The following NEGR1 variants were observed in gnomAD, a reference collection of about 807,000 sequenced individuals.
NEGR1 encodes the protein neuronal growth regulator 1.
A neutral mutation model predicts 40.9 loss-of-function variants in NEGR1; 10 were observed. The ratio of observed to expected loss-of-function variants is 0.24; its 90% CI spans 0.15 to 0.42. The LOEUF (loss-of-function observed/expected upper bound fraction) is 0.42, where lower values mean the gene tolerates loss of function less well. Among genes scored for constraint, NEGR1 ranks in the 10% least tolerant of loss-of-function variants. The pLI is 1.00. For missense variants in NEGR1, 352 were observed against 438.9 expected (o/e 0.80, Z 1.77); for synonymous variants, 185 against 166.8 (o/e 1.11, Z -0.84).
At chr1:71,934,537 T>G (rs2100229124) in intron 2 of NEGR1, among the ~76,000 whole-genome samples, 1 of 152,284 alleles carries the variant, frequency 6.6e-6, no homozygotes, top group African/African-American at 2.4e-5. Flanking sequence ...ACAGAGTATT[T>G]GAATGCTTGG....
At chr1:72,036,297 T>C (rs1646901395) in intron 1 of NEGR1, among the ~76,000 whole-genome samples, 1 of 152,146 alleles carries the variant, frequency 6.6e-6, no homozygotes, top group African/African-American at 2.4e-5. Flanking sequence ...CATGGGGCTT[T>C]ACATGTGTGT....
intron 2 of NEGR1, among the ~76,000 whole-genome samples, chr1:71,800,009 G>A (rs552566845): frequency 2.0e-5 from 3 of 152,128 alleles, no homozygotes; most frequent in Non-Finnish European, 4.4e-5. Flanking sequence ...ACTGCACCCG[G>A]CTGTTTCCTG....
At chr1:72,052,926 A>G (rs574952776) in intron 1 of NEGR1, among the ~76,000 whole-genome samples, 334 of 151,592 alleles carry the variant, frequency 2.2e-3, no homozygotes, top group African/African-American at 7.7e-3. Context: ...AGAACCAGGC[A>G]TCTCACCTCT....
chr1:71,696,558 C>A (rs1653480882), intron 4 of NEGR1, among the ~76,000 whole-genome samples: 1 of 151,826 alleles, frequency 6.6e-6, no homozygotes, highest in Non-Finnish European at 1.5e-5. Flanking sequence ...TCCCTCCCCT[C>A]CACTTCCCAA....
intron 1 of NEGR1, among the ~76,000 whole-genome samples, chr1:72,248,471 T>C (rs1030816126): frequency 2.0e-4 from 30 of 151,932 alleles, no homozygotes; most frequent in African/African-American, 7.0e-4. Flanking sequence ...TTGGCCAGGC[T>C]GGTCCCGATC....
chr1:71,730,123 G>A (rs1236505059), intron 3 of NEGR1, among the ~76,000 whole-genome samples: 1 of 151,306 alleles, frequency 6.6e-6, no homozygotes, highest in Non-Finnish European at 1.5e-5. Context: ...TTTAAAAACT[G>A]GTTTTTACAA....
chr1:71,656,559 C>G (rs934103067), intron 4 of NEGR1, among the ~76,000 whole-genome samples: 4 of 151,984 alleles, frequency 2.6e-5, no homozygotes, highest in African/African-American at 7.3e-5. Flanking sequence ...ATTACAGGCG[C>G]CCGCCACCGT....
At chr1:72,027,318 G>A (rs1464345293) in intron 1 of NEGR1, among the ~76,000 whole-genome samples, 1 of 152,034 alleles carries the variant, frequency 6.6e-6, no homozygotes, top group Non-Finnish European at 1.5e-5. Flanking sequence ...TTGCCAATCT[G>A]TTTTTAGCAC....
At chr1:71,946,039 C>A (rs2100261559) in intron 1 of NEGR1, among the ~76,000 whole-genome samples, 1 of 151,898 alleles carries the variant, frequency 6.6e-6, no homozygotes, top group Admixed American at 6.5e-5. Flanking sequence ...GTTACCAATT[C>A]TATTCGTTTC....
intron 1 of NEGR1, among the ~76,000 whole-genome samples, chr1:72,187,291 G>A (rs956270170): frequency 6.6e-5 from 10 of 150,492 alleles, no homozygotes; most frequent in African/African-American, 1.7e-4. Flanking sequence ...TATTTTTTTC[G>A]CCACATTTCT....
chr1:71,468,401 T>C (rs929613676), intron 6 of NEGR1: 1 of 151,990 alleles, frequency 6.6e-6, no homozygotes, highest in Non-Finnish European at 1.5e-5. Context: ...AAAAGCTGAG[T>C]TGAATTGATG....
At chr1:71,596,251 A>G (rs1570083369) in intron 5 of NEGR1, among the ~76,000 whole-genome samples, 1 of 152,158 alleles carries the variant, frequency 6.6e-6, no homozygotes, top group African/African-American at 2.4e-5. Flanking sequence ...TCTGACACCA[A>G]TAGAAGTTTG....
intron 6 of NEGR1, among the ~76,000 whole-genome samples, chr1:71,514,409 C>T (rs112418868): frequency 1.0e-5 from 1 of 99,184 alleles, no homozygotes; most frequent in Admixed American, 1.1e-4. Context: ...CAAGTGGGTC[C>T]CTGACCCCTG....
intron 6 of NEGR1, among the ~76,000 whole-genome samples, chr1:71,419,310 A>C (rs772189517): frequency 9.9e-5 from 15 of 152,214 alleles, no homozygotes; most frequent in Non-Finnish European, 2.2e-4. Context: ...GCAACTTCTT[A>C]TCTCCCTATG....
intron 3 of NEGR1, among the ~76,000 whole-genome samples, chr1:71,740,429 T>C (rs1655179122): frequency 6.6e-6 from 1 of 152,152 alleles, no homozygotes; most frequent in African/African-American, 2.4e-5. Context: ...AGTAGTGGAA[T>C]TAAATATCAA....
intron 6 of NEGR1, among the ~76,000 whole-genome samples, chr1:71,447,744 G>C (rs370202354): frequency 3.2e-4 from 48 of 152,240 alleles, no homozygotes; most frequent in African/African-American, 1.1e-3. Context: ...TGAAGCACTC[G>C]CTATGCTTTC....
intron 6 of NEGR1, among the ~76,000 whole-genome samples, chr1:71,436,981 G>A (rs755575909): frequency 6.6e-6 from 1 of 152,032 alleles, no homozygotes; most frequent in Admixed American, 6.5e-5. Flanking sequence ...GGGGCTTAGG[G>A]CCTCTTCATG....
intron 1 of NEGR1, among the ~76,000 whole-genome samples, chr1:72,127,491 G>T (rs4649954): frequency 0.52 from 50,759 of 98,538 alleles, 12,787 homozygotes; most frequent in South Asian, 0.65. Context: ...AAAAAAAAAA[G>T]GGAGAATTGC....
intron 1 of NEGR1, among the ~76,000 whole-genome samples, chr1:72,000,952 T>C (rs1332029516): frequency 6.6e-6 from 1 of 152,078 alleles, no homozygotes; most frequent in Non-Finnish European, 1.5e-5. Context: ...GCCTGAGACA[T>C]GCCCACAGCC....
Sources: gnomAD v4.1 joint callset for allele counts (sites outside exome capture counted in the v4.1 genomes callset) on GRCh38, gnomAD v4.1.1 for gene constraint, MANE v1.5 for transcripts, NCBI Gene and HGNC (gene_info 2026-07-23, HGNC 2026-07-21) for gene names.